The following ZMYM2 variants were observed in gnomAD, a reference collection of about 807,000 sequenced individuals.
ZMYM2 encodes zinc finger MYM-type containing 2.
ZMYM2 carries 56 observed loss-of-function variants against 162.8 expected under a neutral mutation model. The observed-to-expected ratio is 0.34, with a 90% CI of 0.28 to 0.43. The LOEUF (loss-of-function observed/expected upper bound fraction) is 0.43, where lower values mean the gene tolerates loss of function less well. Among genes scored for constraint, ZMYM2 ranks in the 20% least tolerant of loss-of-function variants. ZMYM2 has a pLI of 1.00. For synonymous variants in ZMYM2, 510 were observed against 541.6 expected (o/e 0.94, Z 0.81); for missense variants, 1,275 against 1,621.8 (o/e 0.79, Z 3.67).
intron 11 of ZMYM2, 138 bp from the exon 12 acceptor site, chr13:20,036,599 T>C: frequency 1.9e-6 from 1 of 530,180 alleles, no homozygotes. Context: ...CTAATTTTTA[T>C]AGGTTGATAT....
At chr13:20,046,603 G>GTGTGTGTGTGTATATATATA (rs1471811594) in intron 12 of ZMYM2, among the ~76,000 whole-genome samples, 4 of 104,702 alleles carry the variant, frequency 3.8e-5, no homozygotes, top group Non-Finnish European at 5.7e-5. Context: ...GTGTGTGTGT[G>GTGTGTGTGTGTATATATATA]TGTGTATATA....
the ZMYM2 span, among the ~76,000 whole-genome samples, chr13:19,910,059 A>G: frequency 6.6e-6 from 1 of 151,514 alleles, no homozygotes; most frequent in Non-Finnish European, 1.5e-5. Flanking sequence ...TAGTAAAAAA[A>G]AAAAAAAAAT....
intron 21 of ZMYM2, among the ~76,000 whole-genome samples, chr13:20,074,778 T>G (rs1957369998): frequency 1.3e-5 from 2 of 152,040 alleles, no homozygotes; most frequent in African/African-American, 4.8e-5. Context: ...GACCTCGTGA[T>G]CCGCCTGCCT....
intron 2 of ZMYM2, among the ~76,000 whole-genome samples, chr13:19,961,105 CA>C (rs765834392): frequency 6.6e-6 from 1 of 151,074 alleles, no homozygotes; most frequent in Non-Finnish European, 1.5e-5. Flanking sequence ...TATGCTAGCC[CA>C]ATTCTAAGGT....
At chr13:19,895,705 C>G in the ZMYM2 span, among the ~76,000 whole-genome samples, 1,807 of 151,890 alleles carry the variant, frequency 0.012, 58 homozygotes, top group African/African-American at 0.042. Context: ...CCCCACCTCT[C>G]AATACTATCA....
the ZMYM2 span, among the ~76,000 whole-genome samples, chr13:19,921,048 C>T: frequency 2.0e-5 from 3 of 152,016 alleles, no homozygotes; most frequent in Admixed American, 6.6e-5. Flanking sequence ...GGATTACAGG[C>T]GTGAGCCACT....
chr13:19,967,044 A>C (rs989505490), intron 2 of ZMYM2, among the ~76,000 whole-genome samples: 1 of 151,764 alleles, frequency 6.6e-6, no homozygotes, highest in Non-Finnish European at 1.5e-5. Flanking sequence ...CTGTTATTTC[A>C]TGTTTTCTTT....
chr13:19,907,716 T>G, the ZMYM2 span, among the ~76,000 whole-genome samples: 1 of 119,178 alleles, frequency 8.4e-6, no homozygotes, highest in Non-Finnish European at 1.6e-5. Flanking sequence ...GAGCCGAGAT[T>G]GTGCCACTGC....
intron 2 of ZMYM2, among the ~76,000 whole-genome samples, chr13:19,978,458 C>T (rs1011461880): frequency 6.6e-6 from 1 of 151,680 alleles, no homozygotes; most frequent in Non-Finnish European, 1.5e-5. Context: ...CTCTTGTTGC[C>T]CAGGCTGGAG....
chr13:19,907,270 T>A, the ZMYM2 span, among the ~76,000 whole-genome samples: 1 of 152,200 alleles, frequency 6.6e-6, no homozygotes, highest in East Asian at 1.9e-4. Flanking sequence ...GGATCAATCA[T>A]ATATTCTATG....
At chr13:19,956,121 G>GT (rs543299210), upstream of ZMYM2, among the ~76,000 whole-genome samples, 347 of 152,270 alleles carry the variant, frequency 2.3e-3, 2 homozygotes, top group African/African-American at 7.8e-3. Flanking sequence ...AAAAAACCTC[G>GT]TAACTTTTAG....
Position 20,019,563 on chromosome 13 carries a change from G to A in ZMYM2, c.1529G>A (p.Ser510Asn). The A allele has an allele frequency of 6.3e-7, 1 of 1,591,566 alleles. No homozygotes were observed. The highest frequency in any genetic ancestry group is 8.6e-7 in the Non-Finnish European group (1 of 1,168,406). ...SEYKQVGSHP[S>N]FLKEVRDHMQ... The stretch of plus-strand genomic sequence containing the variant: ...TTTTTTTAGGTAGGTAGCCATCCAA[G>A]CTTCCTGAAGGAGGTTCGAGATCAC... Residue 510 changes from serine to asparagine, a missense_variant, in exon 7 of 25, where the codon AGC becomes AAC. Coordinates refer to ENST00000610343, the MANE Select transcript of ZMYM2 (RefSeq NM_197968.4).
the ZMYM2 span, among the ~76,000 whole-genome samples, chr13:19,902,619 A>AC: frequency 5.3e-5 from 8 of 152,002 alleles, no homozygotes; most frequent in African/African-American, 1.9e-4. Context: ...TCTGTCTCAA[A>AC]AAAACAAACA....
chr13:20,054,811 CT>C (rs1955655423), intron 14 of ZMYM2, among the ~76,000 whole-genome samples: 1 of 152,166 alleles, frequency 6.6e-6, no homozygotes, highest in African/African-American at 2.4e-5. Context: ...TAAGAGCGAA[CT>C]TTCCTAATGC....
At chr13:20,028,356 AAG>A (rs1952770789) in intron 9 of ZMYM2, among the ~76,000 whole-genome samples, 1 of 152,178 alleles carries the variant, frequency 6.6e-6, no homozygotes, top group Non-Finnish European at 1.5e-5. Flanking sequence ...TATTAATTAG[AAG>A]AGAGGAAGAC....
chr13:19,970,600 CAAAAAAA>C (rs11365281), intron 2 of ZMYM2, among the ~76,000 whole-genome samples: 33 of 88,098 alleles, frequency 3.7e-4, no homozygotes, highest in Admixed American at 8.8e-4. Context: ...AACCCCAAAC[CAAAAAAA>C]AAAAAAAAAA....
chr13:19,988,512 G>A (rs1038903218), intron 2 of ZMYM2, among the ~76,000 whole-genome samples: 1 of 152,158 alleles, frequency 6.6e-6, no homozygotes, highest in Non-Finnish European at 1.5e-5. Flanking sequence ...GGGCATGGTG[G>A]CTCACTCACG....
At chr13:19,947,697 T>C in the ZMYM2 span, among the ~76,000 whole-genome samples, 1 of 151,340 alleles carries the variant, frequency 6.6e-6, no homozygotes, top group Admixed American at 6.6e-5. Context: ...TAGTCTCGAA[T>C]TGTCTCGAAT....
intron 3 of ZMYM2, among the ~76,000 whole-genome samples, chr13:19,998,985 A>G (rs1223906825): frequency 6.6e-6 from 1 of 152,224 alleles, no homozygotes; most frequent in Non-Finnish European, 1.5e-5. Flanking sequence ...AAGTTTCAAA[A>G]TGAAGATAGG....
Sources: allele counts gnomAD v4.1 joint callset (sites outside exome capture counted in the v4.1 genomes callset), GRCh38; gene constraint gnomAD v4.1.1; transcripts MANE v1.5; gene names NCBI Gene and HGNC (gene_info 2026-07-23, HGNC 2026-07-21).